Variants in FHIT observed in about 807,000 individuals in gnomAD.
FHIT encodes bis(5'-adenosyl)-triphosphatase.
Under a neutral mutation model 17.9 loss-of-function variants are expected in FHIT, and 19 were observed. That is an observed-to-expected ratio of 1.06 (90% confidence interval 0.74 to 1.56). The LOEUF (loss-of-function observed/expected upper bound fraction) is 1.56, where lower values mean the gene tolerates loss of function less well. FHIT is among the 40% of genes most tolerant of loss of function. FHIT has a pLI of 0.00. For synonymous variants in FHIT, 81 were observed against 69.7 expected, an observed-to-expected ratio of 1.16 and a Z score of -0.81; for missense variants, 248 against 189.2, an observed-to-expected ratio of 1.31 and a Z score of -1.82.
rs538758983 is a variant in FHIT at position 61,095,045 on chromosome 3, T to A, written c.-163-52946A>T. 2.0e-5 allele frequency among the ~76,000 whole-genome samples: 3 copies of A among 152,284 alleles called. No individual in the cohort carries two copies. The South Asian group carries it at 6.2e-4, about 32-fold the overall frequency. ...GAGGACTAAGAATTAGATACTGCAATGGAAGTATTTGCAAAGACTATTATA... is the reference window on the plus strand; with the variant it reads ...GAGGACTAAGAATTAGATACTGCAAAGGAAGTATTTGCAAAGACTATTATA... On this transcript the variant is annotated intron_variant, in intron 2 of 9. Coordinates refer to ENST00000492590, the MANE Select transcript of FHIT (RefSeq NM_002012.4).
chr3:61,124,308 A>C (rs763407638), intron 2 of FHIT, among the ~76,000 whole-genome samples: 9 of 152,210 alleles, frequency 5.9e-5, no homozygotes, highest in Non-Finnish European at 1.2e-4. Context: ...CCATCACACC[A>C]ACCAGGCAGA....
In FHIT at chr3:61,208,507, G is replaced by A. The variant is rs902809875; in HGVS notation, c.-212-7842C>T. On this transcript the variant is annotated intron_variant, in intron 1 of 9. Coordinates refer to ENST00000492590, the MANE Select transcript of FHIT (RefSeq NM_002012.4). ...ATGAATCTGGGTGCTCCTGTATTGG[G>A]TGCATATATATTTAGGATAGTTAGC... Among the ~76,000 whole-genome samples the A allele has an allele frequency of 2.3e-4, 35 of 152,138 alleles. 1 individual carries two copies. The highest frequency in any genetic ancestry group is 5.8e-4 in the African/African-American group (24 of 41,528).
chr3:60,109,660 T>C (rs1253743046), intron 5 of FHIT, among the ~76,000 whole-genome samples: 1 of 152,200 alleles, frequency 6.6e-6, no homozygotes, highest in African/African-American at 2.4e-5. Context: ...AAATGGCTTA[T>C]GTGTACCTAA....
chr3:60,288,579 G>A (rs533130242), intron 5 of FHIT, among the ~76,000 whole-genome samples: 52 of 143,524 alleles, frequency 3.6e-4, no homozygotes, highest in African/African-American at 1.3e-3. Context: ...GTGTGTGTGT[G>A]TGTGTGTGTG....
chr3:60,618,342 G>A (rs868960361), intron 4 of FHIT, among the ~76,000 whole-genome samples: 1 of 152,088 alleles, frequency 6.6e-6, no homozygotes, highest in Non-Finnish European at 1.5e-5. Flanking sequence ...TGTAGAGATG[G>A]TAGTGCCATG....
intron 5 of FHIT, among the ~76,000 whole-genome samples, chr3:60,364,370 G>A (rs1700026018): frequency 6.6e-6 from 1 of 152,170 alleles, no homozygotes; most frequent in Non-Finnish European, 1.5e-5. Flanking sequence ...TCCTTGCCAT[G>A]GGCAAAATAA....
rs144698616 is a variant in FHIT, at chr3:60,630,348, C to T, written c.-17-93369G>A. ...ATGATTTTGAATAATCAGCCTCTAC[C>T]CTATTCCCCCAGGGAGACTAAAATG... On this transcript the variant is annotated intron_variant, in intron 4 of 9. Transcript: ENST00000492590. 2.0e-5 allele frequency among the ~76,000 whole-genome samples: 3 copies of T among 152,164 alleles called. No individual in the cohort carries two copies. The East Asian group carries it at 5.8e-4, about 29-fold the overall frequency.
At chr3:60,164,806 G>A (rs1252442501) in intron 5 of FHIT, among the ~76,000 whole-genome samples, 2 of 152,034 alleles carry the variant, frequency 1.3e-5, no homozygotes, top group Non-Finnish European at 2.9e-5. Context: ...TACATTTAAA[G>A]CAGAATTTTA....
At chr3:60,213,149 A>T (rs947382236) in intron 5 of FHIT, among the ~76,000 whole-genome samples, 1 of 152,152 alleles carries the variant, frequency 6.6e-6, no homozygotes, top group Non-Finnish European at 1.5e-5. Context: ...AAAGAGAATT[A>T]ATTGGCTTAT....
rs533750731 is a variant in FHIT at position 60,521,493 on chromosome 3, C to T, written c.103+15367G>A. Among the ~76,000 whole-genome samples the T allele has an allele frequency of 6.6e-5, 10 of 152,232 alleles. No homozygotes were observed. The South Asian group carries it at 2.1e-3, about 32-fold the overall frequency. On this transcript the variant is annotated intron_variant, in intron 5 of 9. Coordinates refer to ENST00000492590, the MANE Select transcript of FHIT (RefSeq NM_002012.4). ...CGATCTGCTGACTTCGTGATCCGCC[C>T]ACCTCGGCCTCCCAAAGTGCTGGGA...
At chr3:60,927,999 T>C (rs1301835147) in intron 3 of FHIT, among the ~76,000 whole-genome samples, 3 of 152,372 alleles carry the variant, frequency 2.0e-5, no homozygotes, top group African/African-American at 7.2e-5. Flanking sequence ...TGTTAATCTA[T>C]AACATTACTC....
At chr3:61,009,894 G>C (rs935694822) in intron 3 of FHIT, among the ~76,000 whole-genome samples, 2 of 152,080 alleles carry the variant, frequency 1.3e-5, no homozygotes, top group Non-Finnish European at 1.5e-5. Context: ...AGGAAATAAC[G>C]AAAAGAGCTT....
chr3:60,750,686 G>T (rs2042448302), intron 4 of FHIT, among the ~76,000 whole-genome samples: 1 of 152,086 alleles, frequency 6.6e-6, no homozygotes, highest in South Asian at 2.1e-4. Context: ...AAATCACCCA[G>T]TCTCCGATAT....
chr3:61,044,818 G>A (rs925739255), intron 2 of FHIT, among the ~76,000 whole-genome samples: 1 of 152,170 alleles, frequency 6.6e-6, no homozygotes, highest in Non-Finnish European at 1.5e-5. Context: ...AGAGAGTGGA[G>A]GCCAATATCC....
intron 2 of FHIT, among the ~76,000 whole-genome samples, chr3:61,143,114 G>A (rs1282218553): frequency 6.6e-6 from 1 of 152,062 alleles, no homozygotes; most frequent in Non-Finnish European, 1.5e-5. Flanking sequence ...AAGTTTGAGG[G>A]AAAAGATACC....
chr3:60,587,051 T>G (rs2037930140), intron 4 of FHIT, among the ~76,000 whole-genome samples: 1 of 151,898 alleles, frequency 6.6e-6, no homozygotes, highest in Admixed American at 6.6e-5. Context: ...ATTAAAAAAT[T>G]ATTTCCTTCC....
chr3:61,172,922 G>A (rs1418623278), intron 2 of FHIT, among the ~76,000 whole-genome samples: 2 of 152,114 alleles, frequency 1.3e-5, no homozygotes, highest in African/African-American at 4.8e-5. Flanking sequence ...GGGGCAGGCA[G>A]GTATCCTAAA....
At chr3:60,712,921 G>A (rs1434517768) in intron 4 of FHIT, among the ~76,000 whole-genome samples, 1 of 145,178 alleles carries the variant, frequency 6.9e-6, no homozygotes, top group Admixed American at 7.0e-5. Context: ...TCTGCAGCAA[G>A]CGGACCTAAT....
chr3:59,774,024 TG>T (rs1318729205), intron 8 of FHIT, among the ~76,000 whole-genome samples: 9 of 152,372 alleles, frequency 5.9e-5, no homozygotes, highest in Non-Finnish European at 1.3e-4. Flanking sequence ...TAATTTTATC[TG>T]TTTTTTTAAT....
Sources: allele counts gnomAD v4.1 joint callset (sites outside exome capture counted in the v4.1 genomes callset), GRCh38; gene constraint gnomAD v4.1.1; transcripts MANE v1.5; gene names NCBI Gene and HGNC (gene_info 2026-07-23, HGNC 2026-07-21).